The following KAZN variants were observed in gnomAD, a reference collection of about 807,000 sequenced individuals.
KAZN encodes the protein kazrin, periplakin interacting protein.
Under a neutral mutation model 87.4 loss-of-function variants are expected in KAZN, and 40 were observed. That is an observed-to-expected ratio of 0.46 (90% CI 0.36 to 0.60). The LOEUF is 0.60. KAZN is among the 20% of genes least tolerant of loss of function. KAZN has a pLI of 0.00. For synonymous variants in KAZN, 466 were observed against 458.3 expected, an observed-to-expected ratio of 1.02 and a Z score of -0.22; for missense variants, 898 against 1,073.9, an observed-to-expected ratio of 0.84 and a Z score of 2.29.
rs574213866 is a variant in KAZN at position 14,133,820 on chromosome 1, G to T, written c.92-46615G>T. On this transcript the variant is annotated intron_variant, in intron 1 of 16. Transcript: ENST00000636203. ...AAACATAGGTTTGGGGATGCTGGAG[G>T]CTTTTCCAGCCATGTGCAGACTGAG... Among the ~76,000 whole-genome samples, 12 of 152,276 alleles carry T rather than the reference G, an allele frequency of 7.9e-5. No individual in the cohort carries two copies. In the East Asian group the frequency reaches 1.9e-3, roughly 25 times the overall value.
At chr1:14,282,878 G>A (rs989442814) in intron 2 of KAZN, among the ~76,000 whole-genome samples, 1 of 152,176 alleles carries the variant, frequency 6.6e-6, no homozygotes, top group African/African-American at 2.4e-5. Context: ...ATGTCAGAAG[G>A]GGAGCCCTGG....
chr1:14,314,656 A>T (rs1354228913), intron 2 of KAZN, among the ~76,000 whole-genome samples: 1 of 152,092 alleles, frequency 6.6e-6, no homozygotes, highest in East Asian at 1.9e-4. Context: ...TGTTGTTTAA[A>T]AGTAAATTTT....
intron 2 of KAZN, among the ~76,000 whole-genome samples, chr1:14,501,115 AT>A (rs1670222620): frequency 4.0e-5 from 6 of 148,866 alleles, no homozygotes; most frequent in African/African-American, 4.9e-5. Context: ...AAATAAATAA[AT>A]AAATAAATAA....
rs1003764781 is a variant in KAZN, at chr1:14,365,933, G to C, written c.249+185341G>C. 7.9e-5 allele frequency among the ~76,000 whole-genome samples: 12 copies of C among 152,314 alleles called. No homozygotes were observed. The East Asian group carries it at 2.1e-3, about 27-fold the overall frequency. On this transcript the variant is annotated intron_variant, in intron 2 of 16. Transcript: ENST00000636203. ...ACTCAAAATTTCGCCTTGCCCAGCA[G>C]ATCTTTCTGATGAGATAGATTTCCC...
At chr1:14,600,120 C>G (rs1676840740) in intron 1 of KAZN, among the ~76,000 whole-genome samples, 1 of 151,580 alleles carries the variant, frequency 6.6e-6, no homozygotes, top group Admixed American at 6.6e-5. Context: ...TTCTTTTTGC[C>G]TAATTGCCCT....
At chr1:14,845,051 GATAA>G (rs1170979501) in intron 1 of KAZN, among the ~76,000 whole-genome samples, 10 of 152,036 alleles carry the variant, frequency 6.6e-5, no homozygotes, top group South Asian at 2.1e-4. Context: ...TGGACAGACA[GATAA>G]ATGAATGAAT....
intron 1 of KAZN, among the ~76,000 whole-genome samples, chr1:14,823,299 G>A (rs1350873827): frequency 6.6e-6 from 1 of 152,138 alleles, no homozygotes; most frequent in Non-Finnish European, 1.5e-5. Context: ...ACAAACACGC[G>A]GCTTAGGGGC....
intron 2 of KAZN, among the ~76,000 whole-genome samples, chr1:14,417,282 G>C (rs964233802): frequency 3.9e-5 from 6 of 152,090 alleles, no homozygotes; most frequent in Non-Finnish European, 2.9e-5. Flanking sequence ...ATTAAGAAGG[G>C]CAATTTTTAA....
chr1:14,380,904 G>A (rs1661310068), intron 2 of KAZN, among the ~76,000 whole-genome samples: 1 of 152,174 alleles, frequency 6.6e-6, no homozygotes, highest in Non-Finnish European at 1.5e-5. Context: ...TTAACCCAAA[G>A]AAGACTACAT....
rs140164111 is a variant in KAZN at position 14,687,544 on chromosome 1, C to G, written c.226+88321C>G. 2.4e-3 allele frequency among the ~76,000 whole-genome samples: 364 copies of G among 152,252 alleles called. 1 individual carries two copies. The highest frequency in any genetic ancestry group is 8.6e-3 in the African/African-American group (358 of 41,540). On this transcript the variant is annotated intron_variant, in intron 1 of 14. Coordinates refer to ENST00000376030, the MANE Select transcript of KAZN (RefSeq NM_201628.3). ...GTGTGTGCTCTGGGCAGCCCAGGCC[C>G]CAGCAAAGAGTCCAGAGGTGCATTA...
intron 1 of KAZN, among the ~76,000 whole-genome samples, chr1:14,875,491 A>AG (rs1274092278): frequency 4.6e-5 from 7 of 150,862 alleles, no homozygotes; most frequent in South Asian, 2.1e-4. Flanking sequence ...TTAAAAAAAA[A>AG]AAAAAAGAAA....
chr1:14,080,521 G>A (rs1374024303), intron 1 of KAZN, among the ~76,000 whole-genome samples: 7 of 151,586 alleles, frequency 4.6e-5, no homozygotes, highest in Non-Finnish European at 1.0e-4. Flanking sequence ...TTGCTTCTTA[G>A]TTGCCTTCAG....
At chr1:13,969,340 C>T (rs1642056314) in intron 1 of KAZN, among the ~76,000 whole-genome samples, 1 of 152,092 alleles carries the variant, frequency 6.6e-6, no homozygotes, top group Non-Finnish European at 1.5e-5. Context: ...GCTCTTAATC[C>T]AATAAGTCCT....
intron 2 of KAZN, among the ~76,000 whole-genome samples, chr1:14,318,428 C>G (rs1467729246): frequency 6.6e-6 from 1 of 151,804 alleles, no homozygotes; most frequent in Non-Finnish European, 1.5e-5. Context: ...TCATTTTTAT[C>G]TTTGTTCCTT....
At chr1:14,833,575 C>T (rs141645024) in intron 1 of KAZN, among the ~76,000 whole-genome samples, 6 of 152,184 alleles carry the variant, frequency 3.9e-5, no homozygotes, top group East Asian at 3.9e-4. Context: ...TCCTCTACCC[C>T]CCCCAGGCCC....
intron 1 of KAZN, among the ~76,000 whole-genome samples, chr1:14,109,917 T>C (rs903121487): frequency 2.9e-5 from 3 of 103,900 alleles, no homozygotes; most frequent in Non-Finnish European, 6.0e-5. Flanking sequence ...GGCATTTTTT[T>C]CCCCTACCAT....
At chr1:15,033,042 C>T (rs1263005565) in intron 2 of KAZN, among the ~76,000 whole-genome samples, 2 of 151,618 alleles carry the variant, frequency 1.3e-5, no homozygotes, top group South Asian at 2.1e-4. Flanking sequence ...TGTCATTATT[C>T]CCAAAACAAT....
chr1:14,330,426 TGAG>T (rs1656761103), intron 2 of KAZN, among the ~76,000 whole-genome samples: 1 of 152,142 alleles, frequency 6.6e-6, no homozygotes, highest in Admixed American at 6.5e-5. Context: ...GCTGTGCCAG[TGAG>T]GAGAAGAAGC....
intron 1 of KAZN, among the ~76,000 whole-genome samples, chr1:14,940,497 G>A (rs933875529): frequency 6.6e-6 from 1 of 152,166 alleles, no homozygotes; most frequent in Non-Finnish European, 1.5e-5. Flanking sequence ...GTTTCTCCAG[G>A]CATTTTTCCT....
Sources: gnomAD v4.1 joint callset for allele counts (sites outside exome capture counted in the v4.1 genomes callset) on GRCh38, gnomAD v4.1.1 for gene constraint, MANE v1.5 for transcripts, NCBI Gene and HGNC (gene_info 2026-07-23, HGNC 2026-07-21) for gene names.